CNTNAP2: variants seen among roughly 807,000 people sequenced by gnomAD.
CNTNAP2 encodes the protein contactin-associated protein-like 2.
A neutral mutation model predicts 155.2 loss-of-function variants in CNTNAP2; 98 were observed. That is an observed-to-expected ratio of 0.63 (90% confidence interval 0.54 to 0.75). The LOEUF is 0.75. Among genes scored for constraint, CNTNAP2 ranks in the 30% least tolerant of loss-of-function variants. The probability of loss-of-function intolerance (pLI) is 0.00; values close to 1 mark genes in which losing one functional copy is unlikely to be tolerated. For synonymous variants in CNTNAP2, 651 were observed against 631.2 expected (o/e 1.03, Z -0.47); for missense variants, 1,727 against 1,688.1 (o/e 1.02, Z -0.40).
At chr7:146,668,623 AG>A (rs1253123012) in intron 1 of CNTNAP2, among the ~76,000 whole-genome samples, 1 of 152,118 alleles carries the variant, frequency 6.6e-6, no homozygotes, top group Admixed American at 6.6e-5. Context: ...GAAGCCATCC[AG>A]TTAAGTACTT....
At chr7:147,871,603 G>A (rs1051277715) in intron 13 of CNTNAP2, among the ~76,000 whole-genome samples, 1 of 151,588 alleles carries the variant, frequency 6.6e-6, no homozygotes, top group Non-Finnish European at 1.5e-5. Context: ...CACAGGGGCT[G>A]CTGCCCACTG....
intron 3 of CNTNAP2, among the ~76,000 whole-genome samples, chr7:146,953,369 G>C (rs201250711): frequency 6.6e-6 from 1 of 151,826 alleles, no homozygotes; most frequent in East Asian, 1.9e-4. Context: ...GTTTAAACTA[G>C]TTTTCTCATG....
chr7:146,327,417 A>G (rs930968596), intron 1 of CNTNAP2, among the ~76,000 whole-genome samples: 2 of 152,252 alleles, frequency 1.3e-5, no homozygotes, highest in Admixed American at 6.5e-5. Flanking sequence ...ATCTGGTTGC[A>G]CAGAAAGAAT....
intron 13 of CNTNAP2, among the ~76,000 whole-genome samples, chr7:147,888,802 T>C (rs1329956002): frequency 1.7e-5 from 2 of 117,858 alleles, no homozygotes; most frequent in Non-Finnish European, 3.8e-5. Flanking sequence ...ATAAAGACTT[T>C]TTAGGACAAA....
chr7:146,611,363 T>C (rs1052277627), intron 1 of CNTNAP2, among the ~76,000 whole-genome samples: 5 of 152,154 alleles, frequency 3.3e-5, no homozygotes, highest in African/African-American at 1.2e-4. Flanking sequence ...AGTGCTGGGA[T>C]TATAGGCGCG....
intron 13 of CNTNAP2, among the ~76,000 whole-genome samples, chr7:147,819,392 G>A (rs945810959): frequency 2.0e-5 from 3 of 151,992 alleles, no homozygotes; most frequent in Admixed American, 6.6e-5. Flanking sequence ...TTATATATAC[G>A]TTTCTCTTCC....
intron 8 of CNTNAP2, among the ~76,000 whole-genome samples, chr7:147,211,211 A>G (rs1803138572): frequency 6.6e-6 from 1 of 151,952 alleles, no homozygotes; most frequent in African/African-American, 2.4e-5. Flanking sequence ...TGATCTGTCT[A>G]ATGCTGTCAG....
intron 1 of CNTNAP2, among the ~76,000 whole-genome samples, chr7:146,370,745 A>G (rs13223832): frequency 0.27 from 40,796 of 152,046 alleles, 6,695 homozygotes; most frequent in Admixed American, 0.42. Flanking sequence ...AAGACAAATG[A>G]AAGAACTCCC....
intron 17 of CNTNAP2, among the ~76,000 whole-genome samples, chr7:148,151,150 T>G (rs773352746): frequency 1.5e-4 from 23 of 152,174 alleles, no homozygotes; most frequent in Non-Finnish European, 3.1e-4. Flanking sequence ...CTCTGCCTCT[T>G]GCCAATTGAG....
intron 4 of CNTNAP2, among the ~76,000 whole-genome samples, chr7:147,058,433 C>T (rs1799603405): frequency 6.6e-6 from 1 of 152,022 alleles, no homozygotes; most frequent in African/African-American, 2.4e-5. Flanking sequence ...ACTTTGCTAA[C>T]AGAATAAAAT....
chr7:146,330,360 C>T (rs907566514), intron 1 of CNTNAP2, among the ~76,000 whole-genome samples: 2 of 152,110 alleles, frequency 1.3e-5, no homozygotes, highest in Non-Finnish European at 2.9e-5. Context: ...ATGACAAGCA[C>T]TGTTTTAGAT....
At chr7:148,194,196 C>T (rs1280573924) in intron 18 of CNTNAP2, among the ~76,000 whole-genome samples, 1 of 150,208 alleles carries the variant, frequency 6.7e-6, no homozygotes, top group Non-Finnish European at 1.5e-5. Flanking sequence ...CGGGGTTTCA[C>T]CATATGGCCC....
Position 146,389,703 on chromosome 7 carries a change from C to CTTT in CNTNAP2, c.97+272743_97+272745dup, listed in dbSNP as rs750823074. Among the ~76,000 whole-genome samples, 14 of 128,996 alleles carry CTTT rather than the reference C, an allele frequency of 1.1e-4. No homozygotes were observed. The East Asian group carries it at 1.3e-3, about 12-fold the overall frequency. The allele number at this position is 128,996 out of a possible 152,430, so 84.6% of individuals were successfully genotyped here. A position where few individuals can be genotyped will look rare whatever the true frequency, so the allele number is the denominator to read the frequency against. On this transcript the variant is annotated intron_variant, in intron 1 of 23. Coordinates refer to ENST00000361727, the MANE Select transcript of CNTNAP2 (RefSeq NM_014141.6). ...TTTTTTCTTTTTTCTTTTCTTTTTT[C>CTTT]TTTTTTTTTTTTTTTGAGACAGAGT... is the stretch of plus-strand genomic sequence containing the variant.
At chr7:147,494,472 A>AAAAC (rs1472983063) in intron 11 of CNTNAP2, among the ~76,000 whole-genome samples, 3 of 108,054 alleles carry the variant, frequency 2.8e-5, no homozygotes, top group African/African-American at 8.0e-5. Context: ...TCTTGGCAAA[A>AAAAC]AAAAAAAAAA....
chr7:147,669,479 G>A (rs572849508), intron 13 of CNTNAP2, among the ~76,000 whole-genome samples: 5 of 152,214 alleles, frequency 3.3e-5, no homozygotes, highest in East Asian at 1.9e-4. Context: ...TACAGCTTTC[G>A]AAGACTACTG....
In CNTNAP2 at chr7:146,597,271, G is replaced by A. The variant is rs192670934; in HGVS notation, c.98-177000G>A. Reference sequence around the variant, plus strand: ...TGGATGAGAGTGTAAAGGTTATTTAGTGTGCTTTACTATAATACGATCATC... The same window carrying A: ...TGGATGAGAGTGTAAAGGTTATTTAATGTGCTTTACTATAATACGATCATC... On this transcript the variant is annotated intron_variant, in intron 1 of 23. Coordinates refer to ENST00000361727, the MANE Select transcript of CNTNAP2 (RefSeq NM_014141.6). Among the ~76,000 whole-genome samples, 739 of 152,064 alleles carry A rather than the reference G, an allele frequency of 4.9e-3. 5 individuals carry two copies. Among genetic ancestry groups the A allele is most frequent in the African/African-American group, 0.016 (684 of 41,508 alleles).
chr7:147,959,936 G>C (rs939395724), intron 14 of CNTNAP2, among the ~76,000 whole-genome samples: 1 of 152,102 alleles, frequency 6.6e-6, no homozygotes, highest in Non-Finnish European at 1.5e-5. Context: ...GAAACCATTT[G>C]AGTGGCCTCT....
At chr7:146,887,072 A>G (rs370380796) in intron 3 of CNTNAP2, among the ~76,000 whole-genome samples, 4 of 151,862 alleles carry the variant, frequency 2.6e-5, no homozygotes, top group African/African-American at 9.7e-5. Context: ...TTACTCTTCT[A>G]TCCATCAGAC....
intron 3 of CNTNAP2, among the ~76,000 whole-genome samples, chr7:146,906,593 T>C (rs976101241): frequency 6.6e-6 from 1 of 152,032 alleles, no homozygotes; most frequent in Non-Finnish European, 1.5e-5. Context: ...CTGAGGGTCC[T>C]GTCTGTTAGA....
Sources: allele counts gnomAD v4.1 joint callset (sites outside exome capture counted in the v4.1 genomes callset), GRCh38; gene constraint gnomAD v4.1.1; transcripts MANE v1.5; gene names NCBI Gene and HGNC (gene_info 2026-07-23, HGNC 2026-07-21).